The following SEM1 variants were observed in gnomAD, a reference collection of about 807,000 sequenced individuals.
The protein encoded by SEM1 is SEM1 26S proteasome subunit, also known as 26S proteasome complex subunit SEM1.
A neutral mutation model predicts 12.7 loss-of-function variants in SEM1; 3 were observed. The observed-to-expected ratio is 0.24, with a 90% CI of 0.11 to 0.61. SEM1 has a LOEUF of 0.61. Among genes scored for constraint, SEM1 ranks in the 20% least tolerant of loss-of-function variants. SEM1 has a pLI of 0.88. For synonymous variants in SEM1, 30 were observed against 27.8 expected (o/e 1.08, Z -0.25); for missense variants, 59 against 81.3 (o/e 0.73, Z 1.06).
downstream of SEM1, chr7:96,688,597 G>A (rs1789831899): frequency 5.7e-6 from 1 of 175,324 alleles, no homozygotes; most frequent in African/African-American, 2.4e-5. Context: ...GGAATCAGGT[G>A]AAATCTACTC....
intron 2 of SEM1, among the ~76,000 whole-genome samples, chr7:96,647,161 C>T (rs914061624): frequency 3.3e-5 from 5 of 152,136 alleles, no homozygotes; most frequent in South Asian, 2.1e-4. Flanking sequence ...ATGAACTAAA[C>T]GGTATTCTAC....
intron 2 of SEM1, among the ~76,000 whole-genome samples, chr7:96,533,593 G>A (rs1211504861): frequency 6.6e-6 from 1 of 151,962 alleles, no homozygotes; most frequent in Non-Finnish European, 1.5e-5. Flanking sequence ...TAGCAGAAAC[G>A]GCAGGCGCTG....
intron 2 of SEM1, among the ~76,000 whole-genome samples, chr7:96,512,218 A>G (rs538887136): frequency 1.3e-5 from 2 of 152,188 alleles, no homozygotes; most frequent in Admixed American, 6.5e-5. Context: ...AGTTTTGAGA[A>G]TAGAGTAGGG....
upstream of SEM1, among the ~76,000 whole-genome samples, chr7:96,501,334 A>G (rs1239092923): frequency 6.6e-6 from 1 of 152,146 alleles, no homozygotes; most frequent in Non-Finnish European, 1.5e-5. Flanking sequence ...GACCTTTAGT[A>G]ATATTAACTC....
chr7:96,691,363 C>T (rs1221472034), intron 2 of SEM1, among the ~76,000 whole-genome samples: 6 of 152,134 alleles, frequency 3.9e-5, no homozygotes, highest in Non-Finnish European at 5.9e-5. Context: ...ATCACTTAAA[C>T]GTTATAATAA....
At chr7:96,599,372 C>A (rs1807118087) in intron 2 of SEM1, among the ~76,000 whole-genome samples, 1 of 151,834 alleles carries the variant, frequency 6.6e-6, no homozygotes, top group South Asian at 2.1e-4. Context: ...AAAACAAAAC[C>A]CAGAGTAATA....
At chr7:96,679,781 C>G (rs931523581) in intron 2 of SEM1, among the ~76,000 whole-genome samples, 2 of 152,140 alleles carry the variant, frequency 1.3e-5, no homozygotes, top group Non-Finnish European at 2.9e-5. Context: ...CTACTGTTTC[C>G]TAATCTATGC....
chr7:96,607,531 G>A (rs1032822595), intron 2 of SEM1, among the ~76,000 whole-genome samples: 2 of 152,168 alleles, frequency 1.3e-5, no homozygotes, highest in Admixed American at 1.3e-4. Context: ...ACACATAAAA[G>A]AAGAAGTTCT....
At chr7:96,608,333 A>G (rs1316519039) in intron 2 of SEM1, among the ~76,000 whole-genome samples, 1 of 152,084 alleles carries the variant, frequency 6.6e-6, no homozygotes, top group Non-Finnish European at 1.5e-5. Context: ...ACTTCCGAGC[A>G]TCAGTGCTTC....
At chr7:96,483,714 C>T in exon 4 of SEM1, 1 of 1,029,092 alleles carries the variant, frequency 9.7e-7, no homozygotes, top group Non-Finnish European at 1.4e-6. Context: ...TCATGTGACC[C>T]ACCCAGCCAC....
At chr7:96,653,902 G>C (rs959787747) in intron 2 of SEM1, 1 of 152,166 alleles carries the variant, frequency 6.6e-6, no homozygotes, top group Non-Finnish European at 1.5e-5. Context: ...TGGGGGGCCG[G>C]GGAATTATAC....
intron 2 of SEM1, among the ~76,000 whole-genome samples, chr7:96,522,492 T>A (rs906579494): frequency 6.6e-6 from 1 of 151,802 alleles, no homozygotes; most frequent in African/African-American, 2.4e-5. Flanking sequence ...TAGTTCTACA[T>A]TGCACGATTA....
intron 1 of SEM1, among the ~76,000 whole-genome samples, chr7:96,491,301 T>C (rs764606327): frequency 1.3e-5 from 2 of 152,258 alleles, no homozygotes; most frequent in African/African-American, 2.4e-5. Context: ...AAATTCTTTC[T>C]AACCACACGC....
chr7:96,523,370 A>AGAG (rs1407339087), intron 2 of SEM1, among the ~76,000 whole-genome samples: 1 of 152,126 alleles, frequency 6.6e-6, no homozygotes, highest in East Asian at 1.9e-4. Flanking sequence ...TTGGTAGGGA[A>AGAG]GAGGAGTAAG....
At chr7:96,589,055 T>A (rs1378674219) in intron 2 of SEM1, among the ~76,000 whole-genome samples, 1 of 152,262 alleles carries the variant, frequency 6.6e-6, no homozygotes, top group Admixed American at 6.5e-5. Flanking sequence ...TGATGGCTGT[T>A]GCCTCTGATG....
intron 2 of SEM1, among the ~76,000 whole-genome samples, chr7:96,528,427 A>C (rs1804538892): frequency 6.6e-6 from 1 of 152,108 alleles, no homozygotes; most frequent in Non-Finnish European, 1.5e-5. Flanking sequence ...CCTGGACTCA[A>C]GCAATCTGCC....
intron 2 of SEM1, among the ~76,000 whole-genome samples, chr7:96,663,210 A>T (rs1789066993): frequency 6.6e-6 from 1 of 152,212 alleles, no homozygotes; most frequent in African/African-American, 2.4e-5. Flanking sequence ...AACTACTGAA[A>T]CTGGGCAATG....
At chr7:96,704,109 T>A (rs1348754366) in intron 1 of SEM1, among the ~76,000 whole-genome samples, 1 of 151,998 alleles carries the variant, frequency 6.6e-6, no homozygotes, top group Admixed American at 6.6e-5. Flanking sequence ...TGAGGTAGAT[T>A]TTTATATTGA....
At chr7:96,683,308 G>C (rs917227648) in intron 2 of SEM1, among the ~76,000 whole-genome samples, 1 of 152,116 alleles carries the variant, frequency 6.6e-6, no homozygotes, top group Non-Finnish European at 1.5e-5. Context: ...AGTCATTAGA[G>C]AAATGTAAAT....
Sources: allele counts gnomAD v4.1 joint callset (sites outside exome capture counted in the v4.1 genomes callset), GRCh38; gene constraint gnomAD v4.1.1; transcripts MANE v1.5; gene names NCBI Gene and HGNC (gene_info 2026-07-23, HGNC 2026-07-21).